Variants in DENND1A observed in about 807,000 individuals in gnomAD.
DENND1A encodes DENN domain-containing protein 1A.
A neutral mutation model predicts 113.7 loss-of-function variants in DENND1A; 51 were observed. The observed-to-expected ratio is 0.45, with a 90% CI of 0.36 to 0.57. The LOEUF (loss-of-function observed/expected upper bound fraction) is 0.57, where lower values mean the gene tolerates loss of function less well. DENND1A is among the 20% of genes least tolerant of loss of function. DENND1A has a pLI of 0.00. For synonymous variants in DENND1A, 565 were observed against 570.8 expected, an observed-to-expected ratio of 0.99 and a Z score of 0.14; for missense variants, 1,258 against 1,395.9, an observed-to-expected ratio of 0.90 and a Z score of 1.57.
rs772734034 is a variant in DENND1A at position 123,676,696 on chromosome 9, G to T, written c.372+24C>A. 16 of 1,601,508 alleles carry T rather than the reference G, an allele frequency of 1.0e-5. 1 individual carries two copies. Among genetic ancestry groups the T allele is most frequent in the East Asian group, 2.2e-5 (1 of 44,606 alleles). ...AAAATTAAAGCTTATTTGTTTAAAAGAATTATTTTAAAAAGGTAAATACCT... is the reference window on the plus strand; with the variant it reads ...AAAATTAAAGCTTATTTGTTTAAAATAATTATTTTAAAAAGGTAAATACCT... On this transcript the variant is annotated intron_variant, in intron 6 of 23. Coordinates refer to ENST00000394215, the MANE Select transcript of DENND1A (RefSeq NM_001352964.2).
intron 2 of DENND1A, among the ~76,000 whole-genome samples, chr9:123,808,530 G>A (rs1347084805): frequency 1.3e-5 from 2 of 151,834 alleles, no homozygotes; most frequent in Non-Finnish European, 2.9e-5. Context: ...ACAGGCAAAC[G>A]CCACTATGCC....
chr9:123,770,872 C>A (rs1324460390), intron 3 of DENND1A, among the ~76,000 whole-genome samples: 1 of 152,154 alleles, frequency 6.6e-6, no homozygotes, highest in East Asian at 1.9e-4. Flanking sequence ...AAAACCAGTT[C>A]TATCATTCAA....
chr9:123,896,129 C>A (rs1235565059), intron 1 of DENND1A, among the ~76,000 whole-genome samples: 1 of 151,968 alleles, frequency 6.6e-6, no homozygotes, highest in Non-Finnish European at 1.5e-5. Context: ...AAGACCCCAG[C>A]TCCATCAGGA....
At chr9:123,513,782 C>T (rs1419856805) in intron 13 of DENND1A, among the ~76,000 whole-genome samples, 1 of 152,184 alleles carries the variant, frequency 6.6e-6, no homozygotes, top group Admixed American at 6.5e-5. Flanking sequence ...TTTACTGCAA[C>T]TAACAGAAAA....
At chr9:123,701,708 G>T (rs2065895842) in intron 5 of DENND1A, among the ~76,000 whole-genome samples, 1 of 152,192 alleles carries the variant, frequency 6.6e-6, no homozygotes, top group Non-Finnish European at 1.5e-5. Context: ...ATATCCCAGT[G>T]CTGTACCAGC....
At chr9:123,515,641 A>G (rs1243575984) in intron 13 of DENND1A, among the ~76,000 whole-genome samples, 5 of 152,244 alleles carry the variant, frequency 3.3e-5, no homozygotes, top group Non-Finnish European at 7.3e-5. Context: ...AGTTGAAGGA[A>G]AAAGAAAATG....
intron 5 of DENND1A, among the ~76,000 whole-genome samples, chr9:123,711,513 G>GTATGTATATATATA (rs2066612382): frequency 1.7e-5 from 2 of 121,006 alleles, no homozygotes; most frequent in African/African-American, 3.3e-5. Flanking sequence ...ATGTATATAT[G>GTATGTATATATATA]TATATATATA....
At chr9:123,728,069 G>A (rs2141275560) in intron 5 of DENND1A, among the ~76,000 whole-genome samples, 1 of 151,378 alleles carries the variant, frequency 6.6e-6, no homozygotes, top group East Asian at 1.9e-4. Context: ...TCGCACCACT[G>A]CACTCCAGCC....
At chr9:123,451,193 G>A (rs898174811) in intron 17 of DENND1A, among the ~76,000 whole-genome samples, 1 of 152,178 alleles carries the variant, frequency 6.6e-6, no homozygotes, top group Admixed American at 6.5e-5. Flanking sequence ...GGTTTCTACA[G>A]TGCCATTTCC....
rs571781597 is a variant in DENND1A, at chr9:123,457,449, G to A, written c.1099-14C>T. 15 of 1,600,132 alleles carry A rather than the reference G, an allele frequency of 9.4e-6. No individual in the cohort carries two copies. The highest frequency in any genetic ancestry group is 1.2e-5 in the Non-Finnish European group (14 of 1,167,528). On this transcript the variant is annotated splice_polypyrimidine_tract_variant and intron_variant, in intron 14 of 23. Transcript: ENST00000394215. Reference sequence around the variant, plus strand: ...ACCATCAATAAACTATAGAAAGAAGGAACAAAAGCACAACAGCTCGTACAA... The same window carrying A: ...ACCATCAATAAACTATAGAAAGAAGAAACAAAAGCACAACAGCTCGTACAA...
At chr9:123,605,208 A>G (rs1301096283) in intron 11 of DENND1A, among the ~76,000 whole-genome samples, 1 of 152,046 alleles carries the variant, frequency 6.6e-6, no homozygotes, top group Non-Finnish European at 1.5e-5. Flanking sequence ...CTCCTTCCTG[A>G]CCATCCCACC....
intron 2 of DENND1A, among the ~76,000 whole-genome samples, chr9:123,806,184 C>T (rs1835528055): frequency 6.6e-6 from 1 of 152,016 alleles, no homozygotes; most frequent in African/African-American, 2.4e-5. Flanking sequence ...GAACTCCTGA[C>T]CTCAAGGGAT....
intron 5 of DENND1A, among the ~76,000 whole-genome samples, chr9:123,735,634 CT>C (rs1018827397): frequency 6.6e-6 from 1 of 152,182 alleles, no homozygotes; most frequent in African/African-American, 2.4e-5. Flanking sequence ...GAGATGTTTC[CT>C]TTTTTAAAAG....
rs2050617026 is a variant in DENND1A at position 123,484,459 on chromosome 9, T to C, written c.994-26562A>G. 3.3e-5 allele frequency among the ~76,000 whole-genome samples: 5 copies of C among 152,258 alleles called. No individual in the cohort carries two copies. The South Asian group carries it at 1.0e-3, about 32-fold the overall frequency. ...GGTTATCATGCCTTTAGCATGGCTG[T>C]CCCTCCATTCATCAACATGTACTGA... On this transcript the variant is annotated intron_variant, in intron 13 of 23. Coordinates refer to ENST00000394215, the MANE Select transcript of DENND1A (RefSeq NM_001352964.2).
chr9:123,874,446 G>T (rs1847135122), intron 2 of DENND1A, among the ~76,000 whole-genome samples: 2 of 152,092 alleles, frequency 1.3e-5, no homozygotes, highest in African/African-American at 4.8e-5. Context: ...TAGCCTGAAT[G>T]AGTACTTTAT....
At chr9:123,398,441 C>G (rs2043247686) in intron 21 of DENND1A, among the ~76,000 whole-genome samples, 1 of 152,114 alleles carries the variant, frequency 6.6e-6, no homozygotes, top group African/African-American at 2.4e-5. Context: ...GTGGTGCGAT[C>G]TCGGCTCACT....
intron 1 of DENND1A, among the ~76,000 whole-genome samples, chr9:123,911,341 AC>A (rs1233612196): frequency 6.6e-6 from 1 of 152,248 alleles, no homozygotes; most frequent in Non-Finnish European, 1.5e-5. Flanking sequence ...GAATTGGCAC[AC>A]AATTTGGAAA....
intron 3 of DENND1A, among the ~76,000 whole-genome samples, chr9:123,783,840 T>C (rs1590068488): frequency 1.3e-5 from 2 of 152,346 alleles, no homozygotes; most frequent in South Asian, 2.1e-4. Context: ...GTCTGTAACA[T>C]TGGCCATAGC....
intron 19 of DENND1A, among the ~76,000 whole-genome samples, chr9:123,415,251 C>T (rs968567681): frequency 6.6e-6 from 1 of 152,228 alleles, no homozygotes; most frequent in Admixed American, 6.5e-5. Context: ...GTTTTCCCTG[C>T]GGGTTGTCGG....
Sources: gnomAD v4.1 joint callset for allele counts (sites outside exome capture counted in the v4.1 genomes callset) on GRCh38, gnomAD v4.1.1 for gene constraint, MANE v1.5 for transcripts, NCBI Gene and HGNC (gene_info 2026-07-23, HGNC 2026-07-21) for gene names.